Variants in TDRD5 observed in about 807,000 individuals in gnomAD.
TDRD5 encodes the protein tudor domain-containing protein 5.
In TDRD5, 41 loss-of-function variants were observed where a neutral mutation model predicts 120.6. The observed-to-expected ratio is 0.34, with a 90% confidence interval of 0.26 to 0.44. TDRD5 has a LOEUF of 0.44. Ranked by LOEUF, TDRD5 falls within the 20% of genes least tolerant of loss-of-function variation. The pLI, the probability that TDRD5 is intolerant of heterozygous loss-of-function variation, is 1.00. For missense variants in TDRD5, 1,006 were observed against 1,221.2 expected, an observed-to-expected ratio of 0.82 and a Z score of 2.63; for synonymous variants, 430 against 433.7, an observed-to-expected ratio of 0.99 and a Z score of 0.11.
chr1:179,602,997 A>G (rs944349201), intron 4 of TDRD5, among the ~76,000 whole-genome samples: 3 of 152,146 alleles, frequency 2.0e-5, no homozygotes, highest in African/African-American at 7.2e-5. Context: ...TATTGATTCT[A>G]TCCATCCATG....
intron 1 of TDRD5, 50 bp from the exon 2 acceptor site, chr1:179,592,552 C>A: frequency 3.5e-6 from 5 of 1,414,570 alleles, no homozygotes; most frequent in African/African-American, 1.4e-5. Flanking sequence ...TTTTTTAAAT[C>A]TTTTTTCGTG....
intron 17 of TDRD5, among the ~76,000 whole-genome samples, chr1:179,681,613 G>A (rs191129914): frequency 8.6e-4 from 131 of 152,052 alleles, no homozygotes; most frequent in Middle Eastern, 3.4e-3. Context: ...TTTCAGCTTC[G>A]TAGGCCATAT....
intron 4 of TDRD5, among the ~76,000 whole-genome samples, chr1:179,597,332 C>CTTTTTTTTTTTTTTTT (rs945509784): frequency 7.2e-5 from 9 of 125,564 alleles, no homozygotes; most frequent in South Asian, 2.6e-4. Context: ...TTCTTTTTTT[C>CTTTTTTTTTTTTTTTT]TTTTTTTTTT....
rs999417137 is a variant in TDRD5, at chr1:179,688,111, C to T, written c.2861-2585C>T. Reference sequence around the variant, plus strand: ...TATGATGTTAGCTGGTTATTTTGCCCGTTAGTTGATGCAGTTTCTTCCTAG... The same window carrying T: ...TATGATGTTAGCTGGTTATTTTGCCTGTTAGTTGATGCAGTTTCTTCCTAG... On this transcript the variant is annotated intron_variant, in intron 17 of 17. Transcript: ENST00000444136. 6.6e-5 allele frequency among the ~76,000 whole-genome samples: 10 copies of T among 151,956 alleles called. No individual in the cohort carries two copies. The South Asian group carries it at 8.3e-4, about 13-fold the overall frequency.
intron 6 of TDRD5, among the ~76,000 whole-genome samples, chr1:179,627,489 G>T (rs1422014559): frequency 6.6e-6 from 1 of 152,184 alleles, no homozygotes; most frequent in Non-Finnish European, 1.5e-5. Context: ...AGTATTCTGA[G>T]ACCATTGTTG....
At position 179,648,805 on chromosome 1, in the gene TDRD5, A is replaced by G. The variant is rs963174079; in HGVS notation, c.1801-2062A>G. On this transcript the variant is annotated intron_variant, in intron 11 of 17. Transcript: ENST00000444136. ...AAAAACAATAAAAAAAATAATGTCA[A>G]TTTAGATTACAAGTTTCTCTGCTCT... 8.5e-5 allele frequency among the ~76,000 whole-genome samples: 13 copies of G among 152,204 alleles called. No homozygotes were observed. The Middle Eastern group carries it at 0.01, about 119-fold the overall frequency.
At position 179,631,329 on chromosome 1, in the gene TDRD5, T is replaced by G. The variant is rs999276598; in HGVS notation, c.1126+409T>G. Among the ~76,000 whole-genome samples, 3 of 152,074 alleles carry G rather than the reference T, an allele frequency of 2.0e-5. 1 individual carries two copies. The highest frequency in any genetic ancestry group is 4.4e-5 in the Non-Finnish European group (3 of 67,992). ...ATGGCATGAACCCGGGAGGCGGAGC[T>G]TGCCGGGAGCCGAGATCAAGCCACT... On this transcript the variant is annotated intron_variant, in intron 7 of 17. Transcript: ENST00000444136.
Position 179,654,198 on chromosome 1 carries a change from T to C in TDRD5, c.2161-3T>C. On this transcript the variant is annotated splice_region_variant and splice_polypyrimidine_tract_variant and intron_variant, in intron 13 of 17. Transcript: ENST00000444136. ...TAAAGGAATTCTCTTTCATATCTACTAGCAAGATATTAATGATGAAAAGTC... is the reference window on the plus strand; with the variant it reads ...TAAAGGAATTCTCTTTCATATCTACCAGCAAGATATTAATGATGAAAAGTC... 7 of 1,523,204 alleles carry C rather than the reference T, an allele frequency of 4.6e-6. No homozygotes were observed. The highest frequency in any genetic ancestry group is 5.3e-6 in the Non-Finnish European group (6 of 1,132,586). The allele number at this position is 1,523,204 out of a possible 1,614,324, so 94.4% of individuals were successfully genotyped here. A position where few individuals can be genotyped will look rare whatever the true frequency, so the allele number is the denominator to read the frequency against.
chr1:179,650,672 A>AT (rs1219410819), intron 11 of TDRD5, among the ~76,000 whole-genome samples, 195 bp from the exon 12 acceptor site: 1 of 152,124 alleles, frequency 6.6e-6, no homozygotes, highest in Non-Finnish European at 1.5e-5. Context: ...CAGTAATTAC[A>AT]TTTTTTATCA....
chr1:179,625,120 C>A (rs1298700458), intron 6 of TDRD5, among the ~76,000 whole-genome samples: 6 of 117,288 alleles, frequency 5.1e-5, no homozygotes, highest in African/African-American at 1.0e-4. Context: ...ATGCAAGATA[C>A]AACTGAATAC....
chr1:179,689,543 A>G (rs527521300), intron 17 of TDRD5, among the ~76,000 whole-genome samples: 23 of 152,306 alleles, frequency 1.5e-4, no homozygotes, highest in South Asian at 1.0e-3. Context: ...TCAGATTTCA[A>G]ACTCCACACT....
intron 6 of TDRD5, among the ~76,000 whole-genome samples, chr1:179,625,940 C>T (rs1280441112): frequency 6.6e-6 from 1 of 151,970 alleles, no homozygotes; most frequent in Non-Finnish European, 1.5e-5. Context: ...TGGAAATCAT[C>T]ATTCTCAGTA....
rs563154688 is a variant in TDRD5, at chr1:179,675,481, G to A, written c.2860+6077G>A. On this transcript the variant is annotated intron_variant, in intron 17 of 17. Transcript: ENST00000444136. ...TTTTTAGTAGAGACGGGGTTTCACCGTGTTAGCCAGGATGGTCTCGATCTC... is the reference window on the plus strand; with the variant it reads ...TTTTTAGTAGAGACGGGGTTTCACCATGTTAGCCAGGATGGTCTCGATCTC... Among the ~76,000 whole-genome samples the A allele has an allele frequency of 2.0e-3, 295 of 150,230 alleles. 1 individual carries two copies. The highest frequency in any genetic ancestry group is 6.6e-3 in the African/African-American group (271 of 40,970).
chr1:179,600,514 A>G (rs1319029911), intron 4 of TDRD5, among the ~76,000 whole-genome samples: 1 of 152,236 alleles, frequency 6.6e-6, no homozygotes, highest in Non-Finnish European at 1.5e-5. Context: ...TACAACAATG[A>G]AATCACCTAA....
intron 11 of TDRD5, among the ~76,000 whole-genome samples, chr1:179,647,946 A>G (rs1388292609): frequency 6.6e-6 from 1 of 151,728 alleles, no homozygotes. Context: ...GTCAGGAAAC[A>G]ACAGGTGCTG....
intron 17 of TDRD5, among the ~76,000 whole-genome samples, chr1:179,679,967 T>A (rs1302304892): frequency 6.6e-6 from 1 of 152,158 alleles, no homozygotes; most frequent in Non-Finnish European, 1.5e-5. Flanking sequence ...CAATTTTCCC[T>A]CTAAACCCTG....
chr1:179,620,925 C>T, intron 5 of TDRD5, 110 bp from the exon 6 acceptor site: 2 of 820,350 alleles, frequency 2.4e-6, no homozygotes, highest in Non-Finnish European at 3.6e-6. Context: ...GACTAAAATT[C>T]ATTTAATAAT....
intron 17 of TDRD5, among the ~76,000 whole-genome samples, chr1:179,674,070 ACT>A (rs1475274773): frequency 2.0e-5 from 3 of 152,052 alleles, no homozygotes; most frequent in Non-Finnish European, 4.4e-5. Flanking sequence ...TCTGGCTAGG[ACT>A]TCCAGTACCA....
chr1:179,599,058 T>C (rs1675555286), intron 4 of TDRD5, among the ~76,000 whole-genome samples: 1 of 152,050 alleles, frequency 6.6e-6, no homozygotes, highest in Admixed American at 6.5e-5. Context: ...TTTCTCAGAA[T>C]TTTTTTCCTG....
Sources: allele counts gnomAD v4.1 joint callset (sites outside exome capture counted in the v4.1 genomes callset), GRCh38; gene constraint gnomAD v4.1.1; transcripts MANE v1.5; gene names NCBI Gene and HGNC (gene_info 2026-07-23, HGNC 2026-07-21).